The following FHIT variants were observed in gnomAD, a reference collection of about 807,000 sequenced individuals.
FHIT encodes fragile histidine triad diadenosine triphosphatase.
In FHIT, 19 loss-of-function variants were observed where a neutral mutation model predicts 17.9. The ratio of observed to expected loss-of-function variants is 1.06; its 90% CI spans 0.74 to 1.56. The LOEUF is 1.56. FHIT is among the 40% of genes most tolerant of loss of function. The pLI, the probability that FHIT is intolerant of heterozygous loss-of-function variation, is 0.00. For missense variants in FHIT, 248 were observed against 189.2 expected, an observed-to-expected ratio of 1.31 and a Z score of -1.82; for synonymous variants, 81 against 69.7, an observed-to-expected ratio of 1.16 and a Z score of -0.81.
chr3:60,852,395 T>C (rs1553748687), intron 3 of FHIT, among the ~76,000 whole-genome samples: 2 of 152,136 alleles, frequency 1.3e-5, no homozygotes, highest in South Asian at 2.1e-4. Flanking sequence ...TACATATGGA[T>C]ACACACATCC....
chr3:61,098,784 T>G (rs1192302337), intron 2 of FHIT, among the ~76,000 whole-genome samples: 2 of 152,238 alleles, frequency 1.3e-5, no homozygotes, highest in Non-Finnish European at 2.9e-5. Flanking sequence ...TGTTTGTGAT[T>G]TTTGCACATG....
intron 5 of FHIT, among the ~76,000 whole-genome samples, chr3:60,129,037 CT>C (rs1699394669): frequency 7.3e-6 from 1 of 136,648 alleles, no homozygotes; most frequent in African/African-American, 2.8e-5. Flanking sequence ...CCCTTTTCTT[CT>C]TTCCTTTTTT....
intron 5 of FHIT, among the ~76,000 whole-genome samples, chr3:60,435,720 T>C (rs2030163867): frequency 6.6e-6 from 1 of 152,128 alleles, no homozygotes; most frequent in Admixed American, 6.6e-5. Context: ...ACATGTGTCA[T>C]GGGGGTTTGT....
intron 4 of FHIT, chr3:60,730,039 G>A (rs961385449): frequency 1.2e-4 from 54 of 444,348 alleles, no homozygotes; most frequent in African/African-American, 9.6e-4. Flanking sequence ...GAATCATCAG[G>A]AAGAGGCTTT....
intron 4 of FHIT, among the ~76,000 whole-genome samples, chr3:60,561,998 T>C (rs1297331611): frequency 2.0e-5 from 3 of 152,134 alleles, no homozygotes; most frequent in Non-Finnish European, 4.4e-5. Context: ...GGTAAAGTTA[T>C]GCTTTCCAGT....
chr3:59,899,684 A>G (rs1334835443), intron 8 of FHIT, among the ~76,000 whole-genome samples: 1 of 151,652 alleles, frequency 6.6e-6, no homozygotes, highest in Non-Finnish European at 1.5e-5. Context: ...AATACAAAAA[A>G]ACAAAAAAAA....
At chr3:61,144,358 T>C (rs1427263395) in intron 2 of FHIT, among the ~76,000 whole-genome samples, 4 of 152,236 alleles carry the variant, frequency 2.6e-5, no homozygotes, top group Non-Finnish European at 4.4e-5. Flanking sequence ...ATTCACATTG[T>C]AGCATGTTTC....
chr3:59,833,379 G>A (rs922297691), intron 8 of FHIT, among the ~76,000 whole-genome samples: 1 of 152,116 alleles, frequency 6.6e-6, no homozygotes, highest in African/African-American at 2.4e-5. Context: ...ATAATGTCTT[G>A]TGACCATGAA....
chr3:60,760,109 G>A (rs748880659), intron 4 of FHIT, among the ~76,000 whole-genome samples: 4 of 137,078 alleles, frequency 2.9e-5, no homozygotes, highest in Admixed American at 7.5e-5. Flanking sequence ...CTCTCCTTTC[G>A]TTCTTTCATC....
At chr3:59,909,643 G>A (rs1236483691) in intron 8 of FHIT, among the ~76,000 whole-genome samples, 9 of 152,210 alleles carry the variant, frequency 5.9e-5, no homozygotes, top group Admixed American at 6.5e-5. Context: ...TACCAAAAAA[G>A]TCACCTCTTT....
chr3:60,657,590 A>C (rs1418001327), intron 4 of FHIT, among the ~76,000 whole-genome samples: 1 of 152,172 alleles, frequency 6.6e-6, no homozygotes. Flanking sequence ...CAGTGAAAGT[A>C]CTGCTATTGA....
intron 2 of FHIT, among the ~76,000 whole-genome samples, chr3:61,165,346 T>C (rs888634718): frequency 2.6e-5 from 4 of 152,210 alleles, no homozygotes; most frequent in South Asian, 2.1e-4. Flanking sequence ...CAGTGTGAGA[T>C]GGTATCTCAC....
chr3:60,933,768 C>A (rs1708069048), intron 3 of FHIT, among the ~76,000 whole-genome samples: 1 of 152,232 alleles, frequency 6.6e-6, no homozygotes, highest in South Asian at 2.1e-4. Context: ...AGACTACACA[C>A]TTACTAGTAT....
chr3:61,019,627 C>T (rs1174349469), intron 3 of FHIT, among the ~76,000 whole-genome samples: 2 of 152,170 alleles, frequency 1.3e-5, no homozygotes, highest in Non-Finnish European at 2.9e-5. Context: ...TAATATAACG[C>T]TATATAGCAC....
chr3:59,797,057 C>T (rs1699805641), intron 8 of FHIT, among the ~76,000 whole-genome samples: 1 of 152,106 alleles, frequency 6.6e-6, no homozygotes, highest in South Asian at 2.1e-4. Flanking sequence ...ATATATTTAA[C>T]ATCATTGCTA....
chr3:61,239,762 C>CATATATAAATATATATAT (rs2040324385), intron 1 of FHIT, among the ~76,000 whole-genome samples: 1 of 108,300 alleles, frequency 9.2e-6, no homozygotes, highest in African/African-American at 4.6e-5. Context: ...AACAACTGGC[C>CATATATAAATATATATAT]ATATATATAT....
chr3:61,022,045 A>G (rs1408084162), intron 3 of FHIT, among the ~76,000 whole-genome samples: 1 of 152,180 alleles, frequency 6.6e-6, no homozygotes, highest in Non-Finnish European at 1.5e-5. Context: ...AAAAAAATCA[A>G]CGAATCCAGT....
intron 4 of FHIT, among the ~76,000 whole-genome samples, chr3:60,750,663 C>G (rs1475364221): frequency 2.6e-5 from 4 of 152,116 alleles, no homozygotes; most frequent in East Asian, 1.9e-4. Context: ...TCCAATAAAC[C>G]TCTTTCTTTT....
intron 4 of FHIT, among the ~76,000 whole-genome samples, chr3:60,679,695 C>A (rs1553696323): frequency 6.6e-6 from 1 of 151,870 alleles, no homozygotes; most frequent in African/African-American, 2.4e-5. Flanking sequence ...ATCTCTATTT[C>A]TTTAAGAAAG....
Sources: gnomAD v4.1 joint callset for allele counts (sites outside exome capture counted in the v4.1 genomes callset) on GRCh38, gnomAD v4.1.1 for gene constraint, MANE v1.5 for transcripts, NCBI Gene and HGNC (gene_info 2026-07-23, HGNC 2026-07-21) for gene names.